The following IMPG2 variants were observed in gnomAD, a reference collection of about 807,000 sequenced individuals.
The protein encoded by IMPG2 is IPM 200.
A neutral mutation model predicts 129.2 loss-of-function variants in IMPG2; 91 were observed. The ratio of observed to expected loss-of-function variants is 0.70; its 90% CI spans 0.59 to 0.84. The LOEUF is 0.84. Ranked by LOEUF, IMPG2 falls within the 40% of genes least tolerant of loss-of-function variation. The pLI is 0.00. For missense variants in IMPG2, 1,430 were observed against 1,461.7 expected (o/e 0.98, Z 0.35); for synonymous variants, 510 against 517.7 (o/e 0.99, Z 0.20).
chr3:101,257,579 A>T lies in IMPG2; in HGVS notation c.1103T>A (p.Leu368Gln). 6.2e-7 allele frequency: 1 copy of T among 1,613,436 alleles called. No homozygotes were observed. Among genetic ancestry groups the T allele is most frequent in the Non-Finnish European group, 8.5e-7 (1 of 1,179,552 alleles). Residue 368 changes from leucine (L) to glutamine (Q), a missense_variant, in exon 10 of 19, where the codon CTG becomes CAG. Transcript: ENST00000193391. ...IAETLQQNFL[L>Q]GNSSLNPDPD... ...ATCTGGATTCAAGGAAGAGTTCCCC[A>T]GCAAAAAATTCTGCTGCAATGTCTC...
intron 9 of IMPG2, among the ~76,000 whole-genome samples, chr3:101,262,357 C>CAG (rs145890542): frequency 6.6e-6 from 1 of 151,576 alleles, no homozygotes; most frequent in Non-Finnish European, 1.5e-5. Context: ...TAAATGCTTA[C>CAG]AGAGAGAGAG....
At chr3:101,240,339 A>C (rs1576746529) in intron 14 of IMPG2, among the ~76,000 whole-genome samples, 2 of 152,262 alleles carry the variant, frequency 1.3e-5, no homozygotes, top group East Asian at 1.9e-4. Context: ...GGCTGGTCTC[A>C]AACTCATGGC....
intron 14 of IMPG2, among the ~76,000 whole-genome samples, chr3:101,236,679 C>T (rs1706349417): frequency 6.6e-6 from 1 of 152,194 alleles, no homozygotes; most frequent in South Asian, 2.1e-4. Context: ...AGATATTATG[C>T]TTTTCCCACT....
At chr3:101,303,073 T>C (rs533100358) in intron 3 of IMPG2, among the ~76,000 whole-genome samples, 29 of 152,322 alleles carry the variant, frequency 1.9e-4, no homozygotes, top group African/African-American at 6.5e-4. Flanking sequence ...ATACACAAAA[T>C]AGCTCAGTGT....
chr3:101,286,816 T>C (rs540991023), intron 4 of IMPG2, among the ~76,000 whole-genome samples: 48 of 152,254 alleles, frequency 3.2e-4, no homozygotes, highest in African/African-American at 1.1e-3. Flanking sequence ...CACAGAAAGA[T>C]GGGACAGTTT....
intron 10 of IMPG2, among the ~76,000 whole-genome samples, chr3:101,255,584 C>A (rs1359377432): frequency 2.0e-5 from 3 of 152,094 alleles, no homozygotes; most frequent in Admixed American, 1.3e-4. Context: ...GTTCTTAACT[C>A]CCTTAGGTCA....
intron 4 of IMPG2, among the ~76,000 whole-genome samples, chr3:101,284,392 T>C (rs1209004229): frequency 6.6e-6 from 1 of 152,194 alleles, no homozygotes; most frequent in Non-Finnish European, 1.5e-5. Context: ...AAAAAGTCTC[T>C]TGATGCCCAG....
chr3:101,285,298 C>T (rs988108048), intron 4 of IMPG2, among the ~76,000 whole-genome samples: 3 of 152,148 alleles, frequency 2.0e-5, no homozygotes, highest in African/African-American at 7.2e-5. Flanking sequence ...TAATGCTGCG[C>T]TAGGCCACAT....
intron 2 of IMPG2, 51 bp from the exon 3 acceptor site, chr3:101,304,363 TC>T: frequency 6.6e-7 from 1 of 1,517,962 alleles, no homozygotes; most frequent in Non-Finnish European, 9.1e-7. Flanking sequence ...GCTCTGGGGT[TC>T]TTACAATGAT....
In IMPG2 at chr3:101,276,848, CAA is replaced by C. The variant is rs1293589380; in HGVS notation, c.534-137_534-136del. The stretch of plus-strand genomic sequence containing the variant: ...GCTCCCAAGCAAAAGTACCAAAAAG[CAA>C]AGTTTTTTAAAATTAAAACTTCATA... On this transcript the variant is annotated intron_variant, in intron 4 of 18. Coordinates refer to ENST00000193391, the MANE Select transcript of IMPG2 (RefSeq NM_016247.4). 1.4e-5 allele frequency: 9 copies of C among 657,926 alleles called. No individual in the cohort carries two copies. In the African/African-American group the frequency reaches 1.7e-4, roughly 12 times the overall value. 40.8% of individuals were successfully genotyped at this position (657,926 alleles called of 1,614,324 possible). A position where few individuals can be genotyped will look rare whatever the true frequency, so the allele number is the denominator to read the frequency against.
At chr3:101,310,772 G>A (rs1707256393) in intron 2 of IMPG2, among the ~76,000 whole-genome samples, 1 of 152,068 alleles carries the variant, frequency 6.6e-6, no homozygotes, top group Non-Finnish European at 1.5e-5. Context: ...GAATATGGGA[G>A]AGCTTCCAGA....
intron 4 of IMPG2, among the ~76,000 whole-genome samples, chr3:101,280,137 C>T (rs1259911981): frequency 6.6e-6 from 1 of 152,226 alleles, no homozygotes; most frequent in East Asian, 1.9e-4. Context: ...CTCCTCTCCT[C>T]ATTTCATCCA....
chr3:101,246,236 G>A lies in IMPG2; in HGVS notation c.1240-131C>T, dbSNP rs1706477147. On this transcript the variant is annotated intron_variant, in intron 11 of 18. Transcript: ENST00000193391. Reference sequence around the variant, plus strand: ...GGAGGCGGTGTATTAATAATATTAGGAGTAGGAGGAGACATGGGCTCCAGA... The same window carrying A: ...GGAGGCGGTGTATTAATAATATTAGAAGTAGGAGGAGACATGGGCTCCAGA... 5.1e-6 allele frequency: 4 copies of A among 778,544 alleles called. No individual in the cohort carries two copies. In the East Asian group the frequency reaches 8.0e-5, roughly 16 times the overall value. The allele number at this position is 778,544 out of a possible 1,614,324, so 48.2% of individuals were successfully genotyped here. A position where few individuals can be genotyped will look rare whatever the true frequency, so the allele number is the denominator to read the frequency against.
chr3:101,226,833 G>T lies in IMPG2; in HGVS notation c.*136C>A, dbSNP rs1248655398. 3.8e-5 allele frequency: 31 copies of T among 823,806 alleles called. No individual in the cohort carries two copies. In the Admixed American group the frequency reaches 7.1e-4, roughly 19 times the overall value. The allele number at this position is 823,806 out of a possible 1,614,324, so 51.0% of individuals were successfully genotyped here. ...AAACTTAAGCTGAAAAAAAAACAGT[G>T]TGCCCTATATTTAATTTTTTCATAG... On this transcript the variant is annotated 3_prime_UTR_variant, in exon 19 of 19. Transcript: ENST00000193391.
chr3:101,307,716 G>A (rs1707219589), intron 2 of IMPG2, among the ~76,000 whole-genome samples: 1 of 152,138 alleles, frequency 6.6e-6, no homozygotes, highest in Admixed American at 6.5e-5. Flanking sequence ...TGGGGATACA[G>A]GCAAACTGTA....
chr3:101,264,474 G>T lies in IMPG2; in HGVS notation c.908+3037C>A, dbSNP rs544781795. On this transcript the variant is annotated intron_variant, in intron 9 of 18. Coordinates refer to ENST00000193391, the MANE Select transcript of IMPG2 (RefSeq NM_016247.4). ...ACCATATGATCATCATAATGATGCA[G>T]AAAAACTACTTAATAAAATTCAACA... Among the ~76,000 whole-genome samples the T allele has an allele frequency of 5.9e-5, 9 of 152,070 alleles. No individual in the cohort carries two copies. In the East Asian group the frequency reaches 9.7e-4, roughly 16 times the overall value.
chr3:101,310,690 C>T (rs1035835025), intron 2 of IMPG2, among the ~76,000 whole-genome samples: 5 of 151,868 alleles, frequency 3.3e-5, no homozygotes, highest in Non-Finnish European at 7.4e-5. Flanking sequence ...CATTCTTTCA[C>T]TTTTCTGTTT....
intron 2 of IMPG2, among the ~76,000 whole-genome samples, chr3:101,307,235 T>TA (rs1449615889): frequency 1.3e-5 from 2 of 152,160 alleles, no homozygotes; most frequent in Admixed American, 1.3e-4. Flanking sequence ...AACACCAAAA[T>TA]TTGGCAAAAA....
intron 3 of IMPG2, among the ~76,000 whole-genome samples, chr3:101,300,347 G>A (rs181193203): frequency 6.6e-6 from 1 of 152,370 alleles, no homozygotes. Context: ...ATCAGTCCCA[G>A]TGTTGGCTGT....
Sources: allele counts gnomAD v4.1 joint callset (sites outside exome capture counted in the v4.1 genomes callset), GRCh38; gene constraint gnomAD v4.1.1; transcripts MANE v1.5; gene names NCBI Gene and HGNC (gene_info 2026-07-23, HGNC 2026-07-21).